DRC1: variants seen among roughly 807,000 people sequenced by gnomAD.
The protein encoded by DRC1 is dynein regulatory complex protein 1.
In DRC1, 74 loss-of-function variants were observed where a neutral mutation model predicts 98.7. That is an observed-to-expected ratio of 0.75 (90% confidence interval 0.62 to 0.91). The LOEUF is 0.91. Among genes scored for constraint, DRC1 ranks in the 40% least tolerant of loss-of-function variants. The pLI is 0.00. For synonymous variants in DRC1, 336 were observed against 334.1 expected (o/e 1.01, Z -0.06); for missense variants, 875 against 886.0 (o/e 0.99, Z 0.16).
chr2:26,408,815 C>T (rs953715489), intron 1 of DRC1, among the ~76,000 whole-genome samples: 9 of 152,160 alleles, frequency 5.9e-5, no homozygotes, highest in African/African-American at 2.2e-4. Context: ...ACACTAACAT[C>T]GGGTTTGCTC....
chr2:26,455,201 CAG>C lies in DRC1; in HGVS notation c.2135_2136del (p.Gln712ArgfsTer14). ...TCTGGAGCAGCAGAACACAGAGCTG[CAG>C]GCGCTACTGCAGCAGTATCTGAACT... ...SSLEQQNTELQALLQQYLNSK... is the reference protein window; with the variant it reads ...SSLEQQNTELXALLQQYLNSK... On this transcript the variant is annotated frameshift_variant, in exon 16 of 17. Transcript: ENST00000288710. LOFTEE classifies it high-confidence loss of function. 4 of 1,613,984 alleles carry C rather than the reference CAG, an allele frequency of 2.5e-6. No homozygotes were observed. The highest frequency in any genetic ancestry group is 3.4e-6 in the Non-Finnish European group (4 of 1,180,028).
At chr2:26,446,324 T>A (rs1364514446) in intron 10 of DRC1, among the ~76,000 whole-genome samples, 2 of 152,074 alleles carry the variant, frequency 1.3e-5, no homozygotes, top group Non-Finnish European at 2.9e-5. Context: ...TCTCAAATCC[T>A]GGGCTCAAGC....
chr2:26,421,796 G>A (rs1250859552), intron 3 of DRC1, among the ~76,000 whole-genome samples: 7 of 152,194 alleles, frequency 4.6e-5, no homozygotes, highest in East Asian at 3.9e-4. Flanking sequence ...CTGACCTCAC[G>A]TGATCCACCC....
chr2:26,446,211 C>T (rs1384966865), intron 10 of DRC1, among the ~76,000 whole-genome samples: 1 of 151,572 alleles, frequency 6.6e-6, no homozygotes, highest in Admixed American at 6.6e-5. Flanking sequence ...ATCCTCCCAC[C>T]TCTGCCTCCC....
intron 10 of DRC1, chr2:26,448,308 C>A (rs1663910728): frequency 2.1e-6 from 1 of 478,684 alleles, no homozygotes; most frequent in South Asian, 1.6e-5. Flanking sequence ...TAATCTGTTG[C>A]AGGTTTAGAG....
chr2:26,421,414 T>C lies in DRC1; in HGVS notation c.356+14T>C. 3.7e-6 allele frequency: 6 copies of C among 1,607,318 alleles called. No individual in the cohort carries two copies. Among genetic ancestry groups the C allele is most frequent in the South Asian group, 1.1e-5 (1 of 90,566 alleles). On this transcript the variant is annotated intron_variant, in intron 3 of 16. Transcript: ENST00000288710. ...AAAGCGTCAAAGGTAAGGACTGTGCTACTCTGCAGCTGGTGGACATGAAGG... is the reference window on the plus strand; with the variant it reads ...AAAGCGTCAAAGGTAAGGACTGTGCCACTCTGCAGCTGGTGGACATGAAGG...
rs545557816 is a variant in DRC1, at chr2:26,416,591, T to C, written c.243+2160T>C. ...ATGACCTATCTGGAATTGATTTCTG[T>C]CTGTCGTGTAAGGGTAGGGTTCCAG... On this transcript the variant is annotated intron_variant, in intron 2 of 16. Coordinates refer to ENST00000288710, the MANE Select transcript of DRC1 (RefSeq NM_145038.5). Among the ~76,000 whole-genome samples the C allele has an allele frequency of 5.3e-5, 8 of 152,334 alleles. No homozygotes were observed. In the South Asian group the frequency reaches 1.0e-3, roughly 20 times the overall value.
rs1663525763 is a variant in DRC1 at position 26,434,707 on chromosome 2, T to C, written c.888+2701T>C. On this transcript the variant is annotated intron_variant, in intron 7 of 16. Transcript: ENST00000288710. ...GAGATCGAGATCATCCTGGCTAACA[T>C]GGTGAAACCACGTCTCTACTAAAAA... 2.6e-5 allele frequency among the ~76,000 whole-genome samples: 4 copies of C among 151,956 alleles called. No individual in the cohort carries two copies. The South Asian group carries it at 8.3e-4, about 31-fold the overall frequency.
intron 1 of DRC1, among the ~76,000 whole-genome samples, chr2:26,403,070 A>G (rs1470819249): frequency 3.3e-5 from 5 of 152,262 alleles, no homozygotes; most frequent in African/African-American, 1.2e-4. Context: ...TTTGAATTTC[A>G]TATACTGTTC....
chr2:26,451,674 GA>G (rs1664010540), intron 13 of DRC1, among the ~76,000 whole-genome samples: 1 of 151,722 alleles, frequency 6.6e-6, no homozygotes, highest in Admixed American at 6.6e-5. Context: ...CTGGGTGACA[GA>G]GTGTGAGACA....
rs745542616 is a variant in DRC1, at chr2:26,402,066, C to G, written c.77C>G (p.Ser26Trp). ...TTGTCCACCCAGATTCTCGCGCCCTCGGTCCACTCCGACAACTCTCAGGAG... is the reference window on the plus strand; with the variant it reads ...TTGTCCACCCAGATTCTCGCGCCCTGGGTCCACTCCGACAACTCTCAGGAG... Reference protein sequence around the residue: ...EHLSTQILAPSVHSDNSQERI... With the variant: ...EHLSTQILAPWVHSDNSQERI... Residue 26 changes from serine to tryptophan, a missense_variant, in exon 1 of 17, where the codon TCG (serine) becomes TGG (tryptophan). Transcript: ENST00000288710. 2 of 1,613,368 alleles carry G rather than the reference C, an allele frequency of 1.2e-6. No individual in the cohort carries two copies. The highest frequency in any genetic ancestry group is 2.7e-5 in the African/African-American group (2 of 75,050).
At chr2:26,421,637 C>T (rs547246156) in intron 3 of DRC1, among the ~76,000 whole-genome samples, 9 of 150,872 alleles carry the variant, frequency 6.0e-5, no homozygotes, top group African/African-American at 1.7e-4. Flanking sequence ...CTCGGCTCAC[C>T]GCAACCTCCA....
At chr2:26,410,903 A>T (rs560977869) in intron 1 of DRC1, among the ~76,000 whole-genome samples, 3 of 152,276 alleles carry the variant, frequency 2.0e-5, no homozygotes, top group Non-Finnish European at 4.4e-5. Context: ...AAAGGCATAA[A>T]GACAGAATGA....
rs749469404 is a variant in DRC1 at position 26,444,936 on chromosome 2, C to T, written c.1384C>T (p.Leu462Phe). 6 of 1,614,038 alleles carry T rather than the reference C, an allele frequency of 3.7e-6. No individual in the cohort carries two copies. The highest frequency in any genetic ancestry group is 5.1e-6 in the Non-Finnish European group (6 of 1,180,022). ...CGCCACACAGATAGTAGAAGAAATG[C>T]TTATGCGCTCAGGTGACTAGAACAC... is the stretch of plus-strand genomic sequence containing the variant. ...KSATQIVEEM[L>F]MRSEEEEAEE... The change falls in exon 10 of 17, where the codon CTT becomes TTT. Residue 462 changes from leucine (L) to phenylalanine (F), a missense_variant. Transcript: ENST00000288710.
intron 10 of DRC1, 194 bp from the exon 11 acceptor site, chr2:26,448,497 T>C: frequency 1.4e-6 from 1 of 707,888 alleles, no homozygotes; most frequent in Admixed American, 2.0e-5. Flanking sequence ...TAGTCTCTGA[T>C]TCCGACCCCC....
At chr2:26,422,266 C>T (rs1663166658) in intron 3 of DRC1, among the ~76,000 whole-genome samples, 1 of 152,106 alleles carries the variant, frequency 6.6e-6, no homozygotes, top group South Asian at 2.1e-4. Flanking sequence ...AGAGAAGAGG[C>T]TAAGAAGGTC....
chr2:26,451,068 C>G (rs1289534303), intron 13 of DRC1, among the ~76,000 whole-genome samples: 1 of 152,184 alleles, frequency 6.6e-6, no homozygotes, highest in African/African-American at 2.4e-5. Context: ...CCGAAGCCCC[C>G]AGAGCACAGT....
At chr2:26,436,139 T>C (rs909831225) in intron 7 of DRC1, among the ~76,000 whole-genome samples, 3 of 152,062 alleles carry the variant, frequency 2.0e-5, no homozygotes, top group Non-Finnish European at 2.9e-5. Flanking sequence ...TTTTTTTTTT[T>C]CACTTTTTAA....
intron 4 of DRC1, among the ~76,000 whole-genome samples, chr2:26,428,756 C>T (rs937571868): frequency 1.3e-5 from 2 of 151,928 alleles, no homozygotes; most frequent in African/African-American, 2.4e-5. Context: ...CGAGATCGAG[C>T]CACTACACTC....
Sources: gnomAD v4.1 joint callset for allele counts (sites outside exome capture counted in the v4.1 genomes callset) on GRCh38, gnomAD v4.1.1 for gene constraint, MANE v1.5 for transcripts, NCBI Gene and HGNC (gene_info 2026-07-23, HGNC 2026-07-21) for gene names.